The following MMD2 variants were observed in gnomAD, a reference collection of about 807,000 sequenced individuals.
MMD2 encodes the protein monocyte to macrophage differentiation factor 2.
MMD2 carries 30 observed loss-of-function variants against 33.5 expected under a neutral mutation model. That is an observed-to-expected ratio of 0.90 (90% CI 0.67 to 1.22). The LOEUF (loss-of-function observed/expected upper bound fraction) is 1.22. MMD2 is among the 50% of genes most tolerant of loss of function. MMD2 has a pLI of 0.00. For synonymous variants in MMD2, 129 were observed against 123.0 expected (o/e 1.05, Z -0.32); for missense variants, 364 against 325.4 (o/e 1.12, Z -0.91).
At position 4,938,383 on chromosome 7, in the gene MMD2, T is replaced by A. The variant is rs1490189468; in HGVS notation, c.48-12851A>T. Among the ~76,000 whole-genome samples, 3 of 152,086 alleles carry A rather than the reference T, an allele frequency of 2.0e-5. No homozygotes were observed. In the East Asian group the frequency reaches 5.8e-4, roughly 29 times the overall value. ...GGGACTGTGTCTGGTGGGGGCCTTC[T>A]TGCTGCTGAGGATGCTGTAGAATCC... On this transcript the variant is annotated intron_variant, in intron 1 of 6. Coordinates refer to ENST00000401401, the MANE Select transcript of MMD2 (RefSeq NM_198403.4).
At chr7:4,941,865 C>T (rs76869150) in intron 1 of MMD2, among the ~76,000 whole-genome samples, 1,580 of 150,948 alleles carry the variant, frequency 0.01, 30 homozygotes, top group African/African-American at 0.036. Context: ...TTAAAGAGTC[C>T]TTGAGGTGAC....
the MMD2 span, among the ~76,000 whole-genome samples, chr7:4,899,386 T>C: frequency 0.23 from 34,927 of 151,642 alleles, 4,172 homozygotes; most frequent in South Asian, 0.43. Flanking sequence ...GTGTAAAATG[T>C]ATTTTTCTTT....
At chr7:4,913,705 C>T (rs1287838745) in intron 4 of MMD2, among the ~76,000 whole-genome samples, 6 of 118,330 alleles carry the variant, frequency 5.1e-5, no homozygotes, top group South Asian at 2.6e-4. Context: ...GCAACAAGAG[C>T]GAAACTCTAT....
At chr7:4,900,524 C>T in the MMD2 span, among the ~76,000 whole-genome samples, 1 of 152,092 alleles carries the variant, frequency 6.6e-6, no homozygotes, top group African/African-American at 2.4e-5. Flanking sequence ...GTTAATTTCA[C>T]CCTACCAGTC....
chr7:4,940,546 G>T lies in MMD2; in HGVS notation c.48-15014C>A, dbSNP rs370545370. 6.6e-6 allele frequency among the ~76,000 whole-genome samples: 1 copy of T among 152,322 alleles called. No individual in the cohort carries two copies. Among genetic ancestry groups the T allele is most frequent in the East Asian group, 1.9e-4 (1 of 5,178 alleles). Reference sequence around the variant, plus strand: ...ACGCAGGGCCAAGTTGGCCCCGGCCGTGCTAAGCCTCTCTCCCCCTCTCCG... The same window carrying T: ...ACGCAGGGCCAAGTTGGCCCCGGCCTTGCTAAGCCTCTCTCCCCCTCTCCG... On this transcript the variant is annotated intron_variant, in intron 1 of 6. Coordinates refer to ENST00000401401, the MANE Select transcript of MMD2 (RefSeq NM_198403.4). The surrounding 1 kb of genome is among the most constrained non-coding windows in gnomAD (Gnocchi z 5.0).
At chr7:4,919,804 G>T (rs1050606185) in intron 3 of MMD2, among the ~76,000 whole-genome samples, 1 of 151,564 alleles carries the variant, frequency 6.6e-6, no homozygotes, top group African/African-American at 2.4e-5. Context: ...GCTGAGGCGG[G>T]AGAATTGCTT....
At chr7:4,957,176 AT>A (rs201766216) in intron 1 of MMD2, among the ~76,000 whole-genome samples, 932 of 85,638 alleles carry the variant, frequency 0.011, 6 homozygotes, top group South Asian at 0.021. Context: ...AAAAAAAAAT[AT>A]ATATATATAT....
Position 4,907,435 on chromosome 7 carries a change from G to C in MMD2, c.702C>G (p.Leu234=). Reference sequence around the variant, plus strand: ...TGGTCTGCAGGGTGCTGGGCAGATAGAGGTACCTCCAGATGGCATAGTAGT... The same window carrying C: ...TGGTCTGCAGGGTGCTGGGCAGATACAGGTACCTCCAGATGGCATAGTAGT... ...GTHYYAIWRY[L]YLPSTLQTKV... The change falls in exon 7 of 7, where the codon CTC becomes CTG. Residue 234 remains leucine (L), a synonymous_variant. Transcript: ENST00000401401. 3 of 1,613,930 alleles carry C rather than the reference G, an allele frequency of 1.9e-6. No homozygotes were observed. Among genetic ancestry groups the C allele is most frequent in the Non-Finnish European group, 2.5e-6 (3 of 1,179,906 alleles).
chr7:4,935,940 T>C (rs1785728924), intron 1 of MMD2, among the ~76,000 whole-genome samples: 1 of 151,984 alleles, frequency 6.6e-6, no homozygotes, highest in Non-Finnish European at 1.5e-5. Flanking sequence ...ATCCCAGCAC[T>C]TTGGGAGGCC....
chr7:4,954,444 G>A (rs139432119), intron 1 of MMD2, among the ~76,000 whole-genome samples: 5 of 151,714 alleles, frequency 3.3e-5, no homozygotes, highest in Non-Finnish European at 5.9e-5. Context: ...TTGAGACGGG[G>A]TCTCCCTCTG....
At chr7:4,957,824 G>C (rs966252587) in intron 1 of MMD2, among the ~76,000 whole-genome samples, 1 of 152,134 alleles carries the variant, frequency 6.6e-6, no homozygotes, top group Non-Finnish European at 1.5e-5. Context: ...TGAGACTGAG[G>C]GGGAAGGAAG....
intron 3 of MMD2, among the ~76,000 whole-genome samples, chr7:4,919,625 C>T (rs1311647479): frequency 6.6e-6 from 1 of 151,868 alleles, no homozygotes; most frequent in South Asian, 2.1e-4. Flanking sequence ...GTGGCTCACA[C>T]CTGTAATCCC....
In MMD2 at chr7:4,920,230, G is replaced by T; in HGVS notation, c.231C>A (p.Cys77Ter). The change falls in exon 3 of 7, where the codon TGC (cysteine) becomes TGA (stop). Residue 77 changes from cysteine (C) to a stop codon, truncating the protein, a stop_gained. Transcript: ENST00000401401. LOFTEE classifies it high-confidence loss of function. ...ACACAGTGGACACCACGAAGAGGCC[G>T]CAGAGGCCGAGGCCGTAGATCCAGG... ...ISAWIYGLGL[C>*]GLFVVSTVFH... 3 of 1,588,652 alleles carry T rather than the reference G, an allele frequency of 1.9e-6. No individual in the cohort carries two copies. Among genetic ancestry groups the T allele is most frequent in the Non-Finnish European group, 2.6e-6 (3 of 1,168,232 alleles).
chr7:4,909,485 C>G (rs1390468409), intron 6 of MMD2, among the ~76,000 whole-genome samples: 1 of 152,092 alleles, frequency 6.6e-6, no homozygotes, highest in East Asian at 1.9e-4. Context: ...TGTTGTAGCC[C>G]AGGCTGGAGT....
At position 4,939,375 on chromosome 7, in the gene MMD2, CAA is replaced by C. The variant is rs555094998; in HGVS notation, c.48-13845_48-13844del. ...GCAACATAGCAAGACCCTTTCTCTA[CAA>C]AAAAAAAACTTAAAAATTAGCCAGG... On this transcript the variant is annotated intron_variant, in intron 1 of 6. Transcript: ENST00000401401. Among the ~76,000 whole-genome samples, 5 of 147,242 alleles carry C rather than the reference CAA, an allele frequency of 3.4e-5. No homozygotes were observed. In the East Asian group the frequency reaches 7.9e-4, roughly 23 times the overall value.
At chr7:4,950,659 GC>G (rs1786216404) in intron 1 of MMD2, among the ~76,000 whole-genome samples, 1 of 151,732 alleles carries the variant, frequency 6.6e-6, no homozygotes, top group South Asian at 2.1e-4. Context: ...GTTCATCCAG[GC>G]TACCGCGTGT....
chr7:4,925,458 G>C lies in MMD2; in HGVS notation c.122C>G (p.Thr41Ser). ...TEYEHAANCATHAFWIIPSIL... is the reference protein window; with the variant it reads ...TEYEHAANCASHAFWIIPSIL... ...CCCCAAAAGCCAACTCACAGCATGG[G>C]TGGCACAGTTGGCCGCATGTTCATA... is the stretch of plus-strand genomic sequence containing the variant. The change falls in exon 2 of 7, where the codon ACC becomes AGC. Residue 41 changes from threonine (T) to serine (S), a missense_variant. Physicochemically the swap from Thr to Ser is moderately conservative, Grantham distance 58 (BLOSUM62 1). Coordinates refer to ENST00000401401, the MANE Select transcript of MMD2 (RefSeq NM_198403.4). 1 of 1,563,770 alleles carries C rather than the reference G, an allele frequency of 6.4e-7. No homozygotes were observed. Among genetic ancestry groups the C allele is most frequent in the Non-Finnish European group, 8.7e-7 (1 of 1,151,880 alleles).
chr7:4,947,398 C>CTT (rs34054867), intron 1 of MMD2, among the ~76,000 whole-genome samples: 2,892 of 143,494 alleles, frequency 0.02, 93 homozygotes, highest in African/African-American at 0.063. Context: ...GTGCTATGCA[C>CTT]TTTTTTTTTT....
Position 4,940,534 on chromosome 7 carries a change from T to A in MMD2, c.48-15002A>T, listed in dbSNP as rs1056551415. ...AGGCAAGGGACCACGCAGGGCCAAGTTGGCCCCGGCCGTGCTAAGCCTCTC... is the reference window on the plus strand; with the variant it reads ...AGGCAAGGGACCACGCAGGGCCAAGATGGCCCCGGCCGTGCTAAGCCTCTC... On this transcript the variant is annotated intron_variant, in intron 1 of 6. Transcript: ENST00000401401. The surrounding 1 kb of genome is among the most constrained non-coding windows in gnomAD (Gnocchi z 5.0). Among the ~76,000 whole-genome samples the A allele has an allele frequency of 6.6e-6, 1 of 152,206 alleles. No homozygotes were observed. Among genetic ancestry groups the A allele is most frequent in the Non-Finnish European group, 1.5e-5 (1 of 68,028 alleles).
Sources: gnomAD v4.1 joint callset for allele counts (sites outside exome capture counted in the v4.1 genomes callset) on GRCh38, gnomAD v4.1.1 for gene constraint, Gnocchi (gnomAD v3.1) non-coding constraint, MANE v1.5 for transcripts, NCBI Gene and HGNC (gene_info 2026-07-23, HGNC 2026-07-21) for gene names.